The following RSPO2 variants were observed in gnomAD, a reference collection of about 807,000 sequenced individuals.
The protein encoded by RSPO2 is R-spondin-2.
RSPO2 carries 14 observed loss-of-function variants against 30.9 expected under a neutral mutation model. That is an observed-to-expected ratio of 0.45 (90% CI 0.30 to 0.71). The LOEUF (loss-of-function observed/expected upper bound fraction) is 0.71. RSPO2 is among the 30% of genes least tolerant of loss of function. RSPO2 has a pLI of 0.08. For missense variants in RSPO2, 264 were observed against 301.9 expected (o/e 0.87, Z 0.93); for synonymous variants, 107 against 96.4 (o/e 1.11, Z -0.64).
At position 107,992,202 on chromosome 8, in the gene RSPO2, C is replaced by CACACACACACAT. The variant is rs761066938; in HGVS notation, c.95-2959_95-2958insATGTGTGTGTGT. On this transcript the variant is annotated intron_variant, in intron 2 of 5. Coordinates refer to ENST00000276659, the MANE Select transcript of RSPO2 (RefSeq NM_178565.5). ...ACACACACACACACACACACACACA[C>CACACACACACAT]ACCATGGAATACTATACAGCCATAA... Among the ~76,000 whole-genome samples the CACACACACACAT allele has an allele frequency of 2.8e-3, 428 of 151,878 alleles. 1 individual carries two copies. The highest frequency in any genetic ancestry group is 0.01 in the Middle Eastern group (3 of 294).
chr8:107,942,366 T>G (rs1481550284), intron 5 of RSPO2, among the ~76,000 whole-genome samples: 2 of 152,196 alleles, frequency 1.3e-5, no homozygotes, highest in Non-Finnish European at 2.9e-5. Context: ...CCCACGCCTC[T>G]TGAAATTGTC....
Position 107,968,851 on chromosome 8 carries a change from T to C in RSPO2, c.284-8034A>G, listed in dbSNP as rs112128588. Among the ~76,000 whole-genome samples the C allele has an allele frequency of 3.3e-4, 50 of 152,260 alleles. No homozygotes were observed. In the East Asian group the frequency reaches 5.2e-3, roughly 16 times the overall value. ...ATATAATTTTAATAAACTGTATATATGTAGTTTTAATAAATAAATATATAC... is the reference window on the plus strand; with the variant it reads ...ATATAATTTTAATAAACTGTATATACGTAGTTTTAATAAATAAATATATAC... On this transcript the variant is annotated intron_variant, in intron 3 of 5. Transcript: ENST00000276659.
At chr8:107,937,152 TTG>T (rs1812745576) in intron 5 of RSPO2, among the ~76,000 whole-genome samples, 1 of 99,576 alleles carries the variant, frequency 1.0e-5, no homozygotes, top group South Asian at 3.7e-4. Context: ...CCATCTTCAG[TTG>T]TTTTTTTTTT....
chr8:107,972,182 G>A (rs576297473), intron 3 of RSPO2, among the ~76,000 whole-genome samples: 1 of 151,288 alleles, frequency 6.6e-6, no homozygotes, highest in Non-Finnish European at 1.5e-5. Flanking sequence ...GTCTCACTCT[G>A]TCACCCGGGA....
intron 5 of RSPO2, among the ~76,000 whole-genome samples, chr8:107,930,205 T>C (rs1276752963): frequency 1.3e-5 from 2 of 152,180 alleles, no homozygotes; most frequent in Non-Finnish European, 2.9e-5. Flanking sequence ...ACTTTTGGGT[T>C]TGTAAAGGAT....
At chr8:108,043,133 G>A (rs1430948373) in intron 2 of RSPO2, among the ~76,000 whole-genome samples, 2 of 152,198 alleles carry the variant, frequency 1.3e-5, no homozygotes, top group Non-Finnish European at 2.9e-5. Context: ...GTTTGTGAGT[G>A]AGGAAGAGTG....
chr8:107,904,089 T>C (rs535325373), intron 5 of RSPO2, among the ~76,000 whole-genome samples: 1 of 152,214 alleles, frequency 6.6e-6, no homozygotes, highest in African/African-American at 2.4e-5. Flanking sequence ...GTTTTATCTA[T>C]ATATTTGAAA....
chr8:107,935,004 A>G (rs1213983883), intron 5 of RSPO2, among the ~76,000 whole-genome samples: 1 of 152,206 alleles, frequency 6.6e-6, no homozygotes, highest in East Asian at 1.9e-4. Context: ...TGTTTGAACA[A>G]TATGAAATCT....
At chr8:107,902,215 C>T (rs1241862622) in intron 5 of RSPO2, among the ~76,000 whole-genome samples, 5 of 152,158 alleles carry the variant, frequency 3.3e-5, no homozygotes, top group Admixed American at 6.5e-5. Flanking sequence ...CCCCTACACA[C>T]CTTCAGTACA....
intron 3 of RSPO2, among the ~76,000 whole-genome samples, chr8:107,963,576 T>C (rs1052455652): frequency 2.8e-5 from 4 of 140,970 alleles, no homozygotes; most frequent in African/African-American, 7.9e-5. Flanking sequence ...ATATATAGTA[T>C]GACACAATAA....
At chr8:108,078,671 C>G (rs1813089415) in intron 2 of RSPO2, among the ~76,000 whole-genome samples, 1 of 152,144 alleles carries the variant, frequency 6.6e-6, no homozygotes, top group Admixed American at 6.5e-5. Flanking sequence ...ACAAACCCTT[C>G]CTTTTTATGG....
chr8:108,081,292 A>G (rs1813185620), intron 2 of RSPO2, among the ~76,000 whole-genome samples: 1 of 152,176 alleles, frequency 6.6e-6, no homozygotes, highest in South Asian at 2.1e-4. Flanking sequence ...AAAAGCCATC[A>G]AAAAAATAAG....
chr8:108,000,771 G>T (rs1475917259), intron 2 of RSPO2, among the ~76,000 whole-genome samples: 1 of 152,094 alleles, frequency 6.6e-6, no homozygotes, highest in Non-Finnish European at 1.5e-5. Context: ...GGAGGCCAAG[G>T]TGGGCAGATC....
At chr8:108,073,403 G>A (rs909591875) in intron 2 of RSPO2, among the ~76,000 whole-genome samples, 4 of 152,176 alleles carry the variant, frequency 2.6e-5, no homozygotes, top group African/African-American at 9.7e-5. Context: ...CCAGCAACAG[G>A]GGAGGGACTA....
chr8:108,006,127 C>A (rs969262647), intron 2 of RSPO2, among the ~76,000 whole-genome samples: 1 of 151,948 alleles, frequency 6.6e-6, no homozygotes, highest in South Asian at 2.1e-4. Context: ...TTTGTGTTTG[C>A]GGCCAAAGTT....
At chr8:107,924,398 G>C (rs965937183) in intron 5 of RSPO2, among the ~76,000 whole-genome samples, 16 of 152,168 alleles carry the variant, frequency 1.1e-4, no homozygotes, top group Admixed American at 3.3e-4. Flanking sequence ...TGAAAAGAGA[G>C]AGGAGGGGAT....
At chr8:107,964,272 C>T (rs767353303) in intron 3 of RSPO2, among the ~76,000 whole-genome samples, 4 of 152,194 alleles carry the variant, frequency 2.6e-5, no homozygotes, top group African/African-American at 4.8e-5. Context: ...GACAGAATTT[C>T]GCTCTTGTTG....
At chr8:107,950,274 G>T (rs1027415414) in intron 5 of RSPO2, among the ~76,000 whole-genome samples, 1 of 152,146 alleles carries the variant, frequency 6.6e-6, no homozygotes, top group Non-Finnish European at 1.5e-5. Flanking sequence ...TCTAAAAGCT[G>T]CTATTAAATT....
At chr8:107,971,564 C>T (rs1042619442) in intron 3 of RSPO2, among the ~76,000 whole-genome samples, 10 of 152,150 alleles carry the variant, frequency 6.6e-5, no homozygotes, top group African/African-American at 2.2e-4. Flanking sequence ...TTAAACAGTG[C>T]ACTGTGCAGG....
Sources: allele counts gnomAD v4.1 joint callset (sites outside exome capture counted in the v4.1 genomes callset), GRCh38; gene constraint gnomAD v4.1.1; transcripts MANE v1.5; gene names NCBI Gene and HGNC (gene_info 2026-07-23, HGNC 2026-07-21).